The following PTPRD variants were observed in gnomAD, a reference collection of about 807,000 sequenced individuals.
PTPRD encodes receptor-type tyrosine-protein phosphatase delta.
PTPRD carries 34 observed loss-of-function variants against 214.5 expected under a neutral mutation model. The observed-to-expected ratio is 0.16, with a 90% CI of 0.12 to 0.21. PTPRD has a LOEUF of 0.21. Among genes scored for constraint, PTPRD ranks in the 10% least tolerant of loss-of-function variants. The probability of loss-of-function intolerance (pLI) is 1.00; values close to 1 mark genes in which losing one functional copy is unlikely to be tolerated. For synonymous variants in PTPRD, 1,128 were observed against 845.7 expected, an observed-to-expected ratio of 1.33 and a Z score of -5.79; for missense variants, 2,545 against 2,398.7, an observed-to-expected ratio of 1.06 and a Z score of -1.27.
At chr9:9,955,635 T>C (rs1415745746) in intron 4 of PTPRD, among the ~76,000 whole-genome samples, 1 of 151,744 alleles carries the variant, frequency 6.6e-6, no homozygotes, top group Non-Finnish European at 1.5e-5. Flanking sequence ...GCCATTCTCC[T>C]GCCTCAGCCT....
chr9:10,102,469 T>G lies in PTPRD; in HGVS notation c.-544-68679A>C, dbSNP rs138527458. Among the ~76,000 whole-genome samples, 35 of 151,760 alleles carry G rather than the reference T, an allele frequency of 2.3e-4. No individual in the cohort carries two copies. In the East Asian group the frequency reaches 6.8e-3, roughly 29 times the overall value. ...TCCCTAGAACTAATGTCAATATTAT[T>G]ATTTTGCCTATTAATCTCAGATAAA... is the stretch of plus-strand genomic sequence containing the variant. On this transcript the variant is annotated intron_variant, in intron 3 of 45. Transcript: ENST00000381196.
intron 11 of PTPRD, among the ~76,000 whole-genome samples, chr9:8,826,063 A>G (rs1295124581): frequency 6.6e-6 from 1 of 152,122 alleles, no homozygotes; most frequent in African/African-American, 2.4e-5. Context: ...AGCTTTTAAG[A>G]TGGAGTTGCT....
chr9:9,306,703 T>C (rs1490631167), intron 9 of PTPRD, among the ~76,000 whole-genome samples: 1 of 152,276 alleles, frequency 6.6e-6, no homozygotes, highest in East Asian at 1.9e-4. Flanking sequence ...GGAATGCTAT[T>C]GAATGCATTC....
chr9:10,350,445 T>G (rs894932628), intron 2 of PTPRD, among the ~76,000 whole-genome samples: 1 of 152,086 alleles, frequency 6.6e-6, no homozygotes, highest in Non-Finnish European at 1.5e-5. Flanking sequence ...TTATTATTAA[T>G]AGTATACAAT....
At chr9:9,216,685 C>G (rs2099952490) in intron 9 of PTPRD, among the ~76,000 whole-genome samples, 1 of 152,106 alleles carries the variant, frequency 6.6e-6, no homozygotes, top group Admixed American at 6.6e-5. Flanking sequence ...AGCTTGGTAT[C>G]ATTCCTCTGT....
rs140284370 is a variant in PTPRD, at chr9:10,143,689, A to G, written c.-544-109899T>C. 3.2e-3 allele frequency among the ~76,000 whole-genome samples: 484 copies of G among 152,266 alleles called. 3 individuals are homozygous for G. The highest frequency in any genetic ancestry group is 1.0e-2 in the African/African-American group (415 of 41,570). ...ATCAACAGTGGGTTGCATAAAGAAA[A>G]TGTGGTACATATACACCATGGGACA... On this transcript the variant is annotated intron_variant, in intron 3 of 45. Coordinates refer to ENST00000381196, the MANE Select transcript of PTPRD (RefSeq NM_002839.4).
At chr9:9,342,682 A>C (rs571093567) in intron 9 of PTPRD, among the ~76,000 whole-genome samples, 1 of 149,908 alleles carries the variant, frequency 6.7e-6, no homozygotes, top group South Asian at 2.1e-4. Flanking sequence ...CTTCCAAGGC[A>C]GTCTCACAAA....
intron 11 of PTPRD, among the ~76,000 whole-genome samples, chr9:8,934,448 AATTTATATATATATAAATATATATATAT>A (rs2098977642): frequency 6.8e-5 from 1 of 14,610 alleles, no homozygotes; most frequent in Non-Finnish European, 1.4e-4. Flanking sequence ...TATATATATA[AATTTATATATATATAAATATATATATAT>A]AAATATATAT....
intron 5 of PTPRD, among the ~76,000 whole-genome samples, chr9:9,864,074 G>T (rs2063393766): frequency 6.6e-6 from 1 of 152,186 alleles, no homozygotes; most frequent in South Asian, 2.1e-4. Context: ...GGAGGCCGAA[G>T]TGGGTGGAAC....
intron 7 of PTPRD, among the ~76,000 whole-genome samples, chr9:9,650,017 T>C (rs1255570959): frequency 6.6e-6 from 1 of 152,174 alleles, no homozygotes; most frequent in Non-Finnish European, 1.5e-5. Context: ...GGTTTGGTTC[T>C]GTGTCCCCAC....
At chr9:10,323,582 T>A (rs1457620569) in intron 3 of PTPRD, among the ~76,000 whole-genome samples, 6 of 151,572 alleles carry the variant, frequency 4.0e-5, no homozygotes, top group Admixed American at 3.9e-4. Flanking sequence ...ACTGCAACTC[T>A]TTCTACATCT....
Position 8,796,233 on chromosome 9 carries a change from C to T in PTPRD, c.-103-62287G>A, listed in dbSNP as rs149832927. 6.7e-3 allele frequency among the ~76,000 whole-genome samples: 1,027 copies of T among 152,168 alleles called. 8 individuals are homozygous for T. The highest frequency in any genetic ancestry group is 0.023 in the African/African-American group (939 of 41,542). On this transcript the variant is annotated intron_variant, in intron 11 of 45. Transcript: ENST00000381196. ...GATGAACTGCCCCAATTCTTAATTG[C>T]CAAGTTTTAAGTAAATTTTAATTAT...
chr9:9,558,397 T>C (rs2082057648), intron 8 of PTPRD, among the ~76,000 whole-genome samples: 1 of 152,184 alleles, frequency 6.6e-6, no homozygotes, highest in African/African-American at 2.4e-5. Context: ...CACAGCCATA[T>C]TCCTTACACT....
At chr9:9,696,581 T>G (rs571628478) in intron 7 of PTPRD, among the ~76,000 whole-genome samples, 12 of 152,280 alleles carry the variant, frequency 7.9e-5, no homozygotes, top group Admixed American at 1.3e-4. Context: ...TTTTGTAGTA[T>G]TTGACTTAAA....
intron 5 of PTPRD, among the ~76,000 whole-genome samples, chr9:9,786,810 A>T (rs1181777911): frequency 2.0e-5 from 3 of 152,170 alleles, no homozygotes; most frequent in Admixed American, 6.5e-5. Context: ...CACTCTAGAG[A>T]TTCCCATCTT....
At chr9:8,492,573 TCCCCAG>T in intron 27 of PTPRD, among the ~76,000 whole-genome samples, 1 of 140,768 alleles carries the variant, frequency 7.1e-6, no homozygotes, top group African/African-American at 2.7e-5. Context: ...GATTGCTTCA[TCCCCAG>T]TGCTGGTAAC....
chr9:9,262,929 T>G (rs1338785114), intron 9 of PTPRD, among the ~76,000 whole-genome samples: 1 of 151,696 alleles, frequency 6.6e-6, no homozygotes, highest in Non-Finnish European at 1.5e-5. Context: ...CCTAACAATT[T>G]TGGTGTCATA....
chr9:10,486,337 C>T (rs1389965840), intron 2 of PTPRD, among the ~76,000 whole-genome samples: 2 of 152,008 alleles, frequency 1.3e-5, no homozygotes. Flanking sequence ...GTCTTTAATC[C>T]ACCTTGAGTT....
chr9:9,953,236 G>A (rs1366945376), intron 4 of PTPRD, among the ~76,000 whole-genome samples: 2 of 152,110 alleles, frequency 1.3e-5, no homozygotes, highest in African/African-American at 2.4e-5. Flanking sequence ...AGTAAAATTT[G>A]TGCACGCAGA....
Sources: allele counts gnomAD v4.1 joint callset (sites outside exome capture counted in the v4.1 genomes callset), GRCh38; gene constraint gnomAD v4.1.1; transcripts MANE v1.5; gene names NCBI Gene and HGNC (gene_info 2026-07-23, HGNC 2026-07-21).